Variants in GTPBP1 observed in about 807,000 individuals in gnomAD.
GTPBP1 encodes the protein GTP-binding protein 1.
A neutral mutation model predicts 62.0 loss-of-function variants in GTPBP1; 23 were observed. That is an observed-to-expected ratio of 0.37 (90% CI 0.27 to 0.53). The LOEUF (loss-of-function observed/expected upper bound fraction) is 0.53. GTPBP1 is among the 20% of genes least tolerant of loss of function. The pLI, the probability that GTPBP1 is intolerant of heterozygous loss-of-function variation, is 0.89. For synonymous variants in GTPBP1, 344 were observed against 364.4 expected, an observed-to-expected ratio of 0.94 and a Z score of 0.64; for missense variants, 640 against 917.3, an observed-to-expected ratio of 0.70 and a Z score of 3.90.
chr22:38,717,799 T>C (rs559125722), intron 4 of GTPBP1, among the ~76,000 whole-genome samples: 1 of 152,204 alleles, frequency 6.6e-6, no homozygotes, highest in East Asian at 1.9e-4. Flanking sequence ...GCAAGGCCTG[T>C]AACCTTGTGC....
chr22:38,715,959 A>C lies in GTPBP1; in HGVS notation c.357A>C (p.Thr119=). Residue 119 remains threonine, a synonymous_variant, in exon 3 of 12, where the codon ACA becomes ACC. Coordinates refer to ENST00000216044, the MANE Select transcript of GTPBP1 (RefSeq NM_004286.5). The part of the protein sequence containing the change: ...SEADMEASYA[T]VKSMAEQIEA... ...CTGACATGGAGGCCTCCTACGCCACAGTGAAGAGCATGGCGGAACAGATAG... is the reference window on the plus strand; with the variant it reads ...CTGACATGGAGGCCTCCTACGCCACCGTGAAGAGCATGGCGGAACAGATAG... The C allele has an allele frequency of 4.3e-6, 7 of 1,614,038 alleles. No homozygotes were observed. The highest frequency in any genetic ancestry group is 5.9e-6 in the Non-Finnish European group (7 of 1,179,912).
downstream of GTPBP1, chr22:38,739,818 G>GGTGA (rs1569296031): frequency 5.0e-6 from 8 of 1,613,616 alleles, no homozygotes; most frequent in Non-Finnish European, 6.8e-6. This position sits in a 1 kb window ranked among gnomAD's most constrained non-coding sequence, Gnocchi z 6.7. Flanking sequence ...CTGCCACATG[G>GGTGA]GTGAGGATCT....
At position 38,726,066 on chromosome 22, in the gene GTPBP1, G is replaced by A. The variant is rs1359948065; in HGVS notation, c.1134G>A (p.Met378Ile). ...VTGENLDLLK[M>I]FLNLLSPRTS... ...GCGAGAACCTAGATCTGCTGAAGAT[G>A]TTCCTCAACCTCCTCTCCCCCCGCA... The change falls in exon 7 of 12, where the codon ATG becomes ATA. Residue 378 changes from methionine (M) to isoleucine (I), a missense_variant. Physicochemically the swap from Met to Ile is conservative, Grantham distance 10 (BLOSUM62 1). Around this residue, in one of 4 missense-constraint regions of GTPBP1, gnomAD observed 220 missense variants for 358.1 expected, o/e 0.61. Transcript: ENST00000216044. This position sits in a 1 kb window ranked among gnomAD's most constrained non-coding sequence, Gnocchi z 4.1. The A allele has an allele frequency of 1.2e-6, 2 of 1,613,928 alleles. No homozygotes were observed. Among genetic ancestry groups the A allele is most frequent in the African/African-American group, 2.7e-5 (2 of 74,886 alleles).
At position 38,724,317 on chromosome 22, in the gene GTPBP1, C is replaced by T. The variant is rs925476021; in HGVS notation, c.979C>T (p.Arg327Cys). ...ILQETLKLLQ[R>C]LLKSPGCRKI... Reference sequence around the variant, plus strand: ...TTAAGAAACCCTGAAGCTGTTACAGCGCCTGCTGAAGTCACCAGGCTGCCG... The same window carrying T: ...TTAAGAAACCCTGAAGCTGTTACAGTGCCTGCTGAAGTCACCAGGCTGCCG... Residue 327 changes from arginine (R) to cysteine (C), a missense_variant, in exon 6 of 12, where the codon CGC (arginine) becomes TGC (cysteine). By Grantham distance (180) the Arg-to-Cys change is radical. Around this residue, in one of 4 missense-constraint regions of GTPBP1, gnomAD observed 220 missense variants for 358.1 expected, o/e 0.61. Transcript: ENST00000216044. The T allele has an allele frequency of 2.5e-6, 4 of 1,610,116 alleles. No homozygotes were observed. The highest frequency in any genetic ancestry group is 2.2e-5 in the East Asian group (1 of 44,870).
At chr22:38,740,567 G>T (rs2092848015), downstream of GTPBP1, 4 of 969,678 alleles carry the variant, frequency 4.1e-6, no homozygotes, top group Non-Finnish European at 4.4e-6. This position sits in a 1 kb window ranked among gnomAD's most constrained non-coding sequence, Gnocchi z 4.8. Context: ...AACCTGAGAA[G>T]GGGCAAGGCC....
At chr22:38,721,300 A>G (rs919312657) in intron 4 of GTPBP1, among the ~76,000 whole-genome samples, 1 of 152,136 alleles carries the variant, frequency 6.6e-6, no homozygotes, top group African/African-American at 2.4e-5. Context: ...CTGGTCGCGA[A>G]CTCCCGACCT....
downstream of GTPBP1, chr22:38,738,807 G>T: frequency 6.2e-7 from 1 of 1,600,134 alleles, no homozygotes; most frequent in South Asian, 1.1e-5. This position sits in a 1 kb window ranked among gnomAD's most constrained non-coding sequence, Gnocchi z 6.6. Context: ...AGCTCTTGCT[G>T]ACCCCAGATG....
At chr22:38,708,713 G>A (rs1003684063) in intron 1 of GTPBP1, 132 bp from the exon 2 acceptor site, 30 of 629,672 alleles carry the variant, frequency 4.8e-5, no homozygotes, top group African/African-American at 7.3e-5. Context: ...GGGCATGAAG[G>A]GGCTGTGCAG....
chr22:38,729,693 G>A lies in GTPBP1; in HGVS notation c.1917+31G>A, dbSNP rs532874482. On this transcript the variant is annotated intron_variant, in intron 11 of 11. Transcript: ENST00000216044. ...CACGGGCCCCTCGCAGCTTCGGCAT[G>A]GTGGTGGGGGCTGTGGCTTTTACTC... The A allele has an allele frequency of 7.0e-6, 10 of 1,421,482 alleles. No homozygotes were observed. In the South Asian group the frequency reaches 1.4e-4, roughly 20 times the overall value. The allele number at this position is 1,421,482 out of a possible 1,614,324, so 88.1% of individuals were successfully genotyped here.
intron 10 of GTPBP1, 66 bp from the exon 11 acceptor site, chr22:38,729,396 G>A: frequency 8.2e-7 from 1 of 1,222,550 alleles, no homozygotes; most frequent in Non-Finnish European, 1.1e-6. Context: ...CTGAGGGTGG[G>A]GGGTAGCCAA....
Position 38,726,000 on chromosome 22 carries a change from G to C in GTPBP1, c.1074-6G>C, listed in dbSNP as rs773780032. On this transcript the variant is annotated splice_region_variant and splice_polypyrimidine_tract_variant and intron_variant, in intron 6 of 11. Coordinates refer to ENST00000216044, the MANE Select transcript of GTPBP1 (RefSeq NM_004286.5). ...CTTTTTTCCTTCCTCTTCTCCCTCTGCTTAGGATGTGCCCGATATTCCAGA... is the reference window on the plus strand; with the variant it reads ...CTTTTTTCCTTCCTCTTCTCCCTCTCCTTAGGATGTGCCCGATATTCCAGA... 51 of 1,613,730 alleles carry C rather than the reference G, an allele frequency of 3.2e-5. No individual in the cohort carries two copies. Among genetic ancestry groups the C allele is most frequent in the Non-Finnish European group, 2.8e-5 (33 of 1,179,838 alleles).
chr22:38,736,431 C>T, downstream of GTPBP1: 1 of 1,479,314 alleles, frequency 6.8e-7, no homozygotes, highest in South Asian at 1.2e-5. Flanking sequence ...TGAGGCCTCA[C>T]TGACAGAGAA....
At position 38,716,593 on chromosome 22, in the gene GTPBP1, C is replaced by A; in HGVS notation, c.486-59C>A. ...ATCCAATTACTGGGGTTATGATGGT[C>A]GCTCCACCTCACTCATTCACTAACT... On this transcript the variant is annotated intron_variant, in intron 3 of 11. Transcript: ENST00000216044. The surrounding 1 kb of genome is among the most constrained non-coding windows in gnomAD (Gnocchi z 5.2). 1.6e-6 allele frequency: 2 copies of A among 1,246,376 alleles called. No homozygotes were observed. Among genetic ancestry groups the A allele is most frequent in the South Asian group, 2.7e-5 (2 of 74,320 alleles). 77.2% of individuals were successfully genotyped at this position (1,246,376 alleles called of 1,614,324 possible).
chr22:38,706,039 G>C lies in GTPBP1; in HGVS notation c.84G>C (p.Ala28=). The C allele has an allele frequency of 1.4e-6, 2 of 1,382,810 alleles. No individual in the cohort carries two copies. Among genetic ancestry groups the C allele is most frequent in the South Asian group, 1.5e-5 (1 of 66,276 alleles). 85.7% of individuals were successfully genotyped at this position (1,382,810 alleles called of 1,614,324 possible). ...MFAPEPSSPG[A]ARAAAAAARL... ...CCCCCGAGCCCAGCTCCCCGGGGGC[G>C]GCCAGGGCCGCGGCGGCCGCCGCCC... Residue 28 remains alanine, a synonymous_variant, in exon 1 of 12, where the codon GCG becomes GCC. Coordinates refer to ENST00000216044, the MANE Select transcript of GTPBP1 (RefSeq NM_004286.5).
At chr22:38,738,229 G>A, downstream of GTPBP1, 1 of 1,613,980 alleles carries the variant, frequency 6.2e-7, no homozygotes, top group East Asian at 2.2e-5. This position sits in a 1 kb window ranked among gnomAD's most constrained non-coding sequence, Gnocchi z 6.6. Context: ...AACTTGCCAA[G>A]GAGTGTCCCC....
chr22:38,720,045 C>T lies in GTPBP1; in HGVS notation c.835-1697C>T, dbSNP rs1239046054. ...CCGGGTTCATGCCATTCTTCTGCCT[C>T]AGCCTCCCAAGTAGCTGGGACTACA... On this transcript the variant is annotated intron_variant, in intron 4 of 11. Coordinates refer to ENST00000216044, the MANE Select transcript of GTPBP1 (RefSeq NM_004286.5). 5.3e-5 allele frequency among the ~76,000 whole-genome samples: 8 copies of T among 151,370 alleles called. No individual in the cohort carries two copies. The East Asian group carries it at 1.6e-3, about 29-fold the overall frequency.
At chr22:38,736,153 A>G, downstream of GTPBP1, 1 of 1,031,192 alleles carries the variant, frequency 9.7e-7, no homozygotes, top group Non-Finnish European at 1.5e-6. Context: ...ATGGGGCCAC[A>G]GGCTCCTCTC....
chr22:38,715,434 T>C (rs1011917109), intron 2 of GTPBP1, among the ~76,000 whole-genome samples: 4 of 152,182 alleles, frequency 2.6e-5, no homozygotes, highest in African/African-American at 7.2e-5. Flanking sequence ...CCTTCCTCCT[T>C]CTGCAGGCCC....
At chr22:38,738,396 T>C, downstream of GTPBP1, 1 of 1,089,360 alleles carries the variant, frequency 9.2e-7, no homozygotes, top group Non-Finnish European at 1.3e-6. The surrounding 1 kb of genome is among the most constrained non-coding windows in gnomAD (Gnocchi z 6.6). Flanking sequence ...TTCACTCTCT[T>C]GTGCCACAGT....
Sources: gnomAD v4.1 joint callset for allele counts (sites outside exome capture counted in the v4.1 genomes callset) on GRCh38, gnomAD v4.1.1 for gene constraint, gnomAD v4.1.1 regional missense constraint, Gnocchi (gnomAD v3.1) non-coding constraint, MANE v1.5 for transcripts, NCBI Gene and HGNC (gene_info 2026-07-23, HGNC 2026-07-21) for gene names.